The following GREM2 variants were observed in gnomAD, a reference collection of about 807,000 sequenced individuals.
GREM2 encodes the protein gremlin 2, DAN family BMP antagonist.
In GREM2, 11 loss-of-function variants were observed where a neutral mutation model predicts 14.2. The observed-to-expected ratio is 0.78, with a 90% CI of 0.49 to 1.28. The LOEUF is 1.28. GREM2 is among the 50% of genes most tolerant of loss of function. The pLI is 0.00. For synonymous variants in GREM2, 98 were observed against 97.6 expected (o/e 1.00, Z -0.02); for missense variants, 210 against 218.5 (o/e 0.96, Z 0.24).
At position 240,493,431 on chromosome 1, in the gene GREM2, C is replaced by T. The variant is rs766635274; in HGVS notation, c.45G>A (p.Leu15=). 3 of 1,611,772 alleles carry T rather than the reference C, an allele frequency of 1.9e-6. No homozygotes were observed. Among genetic ancestry groups the T allele is most frequent in the East Asian group, 4.5e-5 (2 of 44,814 alleles). ...TCTTCCGGGCTTCCGCCACCTTCAC[C>T]AGCACCGCCACCAGGAACAAGGACA... The part of the protein sequence containing the change: ...LSLSLFLVAV[L]VKVAEARKNR... Residue 15 remains leucine, a synonymous_variant, in exon 2 of 2, where the codon CTG becomes CTA. Transcript: ENST00000318160.
intron 1 of GREM2, among the ~76,000 whole-genome samples, chr1:240,582,657 C>T (rs1157775710): frequency 2.6e-5 from 4 of 151,356 alleles, no homozygotes; most frequent in Non-Finnish European, 5.9e-5. Context: ...ATTAGCTGTG[C>T]GTGGTGACGT....
intron 1 of GREM2, among the ~76,000 whole-genome samples, chr1:240,509,228 T>A (rs1218045193): frequency 6.6e-6 from 1 of 152,114 alleles, no homozygotes; most frequent in Non-Finnish European, 1.5e-5. Flanking sequence ...TGGAGGGTCA[T>A]GTTGAGAGAG....
At chr1:240,512,970 T>C (rs1453672185) in intron 1 of GREM2, among the ~76,000 whole-genome samples, 1 of 152,186 alleles carries the variant, frequency 6.6e-6, no homozygotes, top group Non-Finnish European at 1.5e-5. Context: ...TGGTGGGTAC[T>C]AGGAATACAG....
chr1:240,515,251 C>T (rs1409333289), intron 1 of GREM2, among the ~76,000 whole-genome samples: 1 of 152,190 alleles, frequency 6.6e-6, no homozygotes, highest in Admixed American at 6.5e-5. Flanking sequence ...ATGATTCCAA[C>T]AAATCCTGTA....
intron 1 of GREM2, among the ~76,000 whole-genome samples, chr1:240,608,353 G>A (rs970498659): frequency 1.3e-5 from 2 of 152,208 alleles, no homozygotes; most frequent in Non-Finnish European, 1.5e-5. Flanking sequence ...TCATTACAGA[G>A]CTGCTGGATT....
Position 240,520,005 on chromosome 1 carries a change from G to A in GREM2, c.-1-26529C>T, listed in dbSNP as rs111925302. Among the ~76,000 whole-genome samples, 1,213 of 152,104 alleles carry A rather than the reference G, an allele frequency of 8.0e-3. 15 individuals are homozygous for A. The highest frequency in any genetic ancestry group is 0.027 in the African/African-American group (1,131 of 41,474). On this transcript the variant is annotated intron_variant, in intron 1 of 1. Coordinates refer to ENST00000318160, the MANE Select transcript of GREM2 (RefSeq NM_022469.4). ...TGAGGCATGAGAACCGCTTGAACCC[G>A]AGAGACGGAGGTTGCGGTGAGCCAG...
intron 1 of GREM2, among the ~76,000 whole-genome samples, chr1:240,536,626 A>T (rs1220079261): frequency 6.7e-6 from 1 of 149,590 alleles, no homozygotes; most frequent in Non-Finnish European, 1.5e-5. Context: ...GTAGAGTTTA[A>T]GACAAAATGG....
chr1:240,604,325 G>A (rs1679986659), intron 1 of GREM2, among the ~76,000 whole-genome samples: 1 of 151,674 alleles, frequency 6.6e-6, no homozygotes, highest in African/African-American at 2.4e-5. Context: ...GTGTGTGTGT[G>A]TGTGTGTGTG....
chr1:240,567,256 G>A (rs540944924), intron 1 of GREM2, among the ~76,000 whole-genome samples: 25 of 152,170 alleles, frequency 1.6e-4, no homozygotes, highest in African/African-American at 5.3e-4. Flanking sequence ...AAAGGTATAG[G>A]AGAAGAAGAA....
At chr1:240,529,645 G>T (rs538501473) in intron 1 of GREM2, among the ~76,000 whole-genome samples, 6 of 152,112 alleles carry the variant, frequency 3.9e-5, no homozygotes, top group African/African-American at 1.4e-4. Context: ...GAAATTCCAA[G>T]ATTATCAGAA....
intron 1 of GREM2, among the ~76,000 whole-genome samples, chr1:240,558,950 C>T (rs760722997): frequency 3.9e-5 from 6 of 152,072 alleles, no homozygotes; most frequent in Non-Finnish European, 7.4e-5. Flanking sequence ...GGATTCCCCT[C>T]GCTGTCTCTG....
chr1:240,517,293 A>G (rs1195049880), intron 1 of GREM2, among the ~76,000 whole-genome samples: 1 of 152,200 alleles, frequency 6.6e-6, no homozygotes, highest in African/African-American at 2.4e-5. Flanking sequence ...CAACTGTATC[A>G]TTTTAAGTAT....
At chr1:240,582,666 G>A (rs1357749603) in intron 1 of GREM2, among the ~76,000 whole-genome samples, 6 of 151,204 alleles carry the variant, frequency 4.0e-5, no homozygotes, top group Non-Finnish European at 7.4e-5. Flanking sequence ...GCGTGGTGAC[G>A]TGCACCTGTA....
intron 1 of GREM2, chr1:240,530,904 A>G (rs1340884535): frequency 9.8e-6 from 1 of 101,538 alleles, no homozygotes; most frequent in Non-Finnish European, 2.4e-5. Context: ...GAAGGAAATG[A>G]ATGGAAAATC....
chr1:240,573,994 A>T (rs901467243), intron 1 of GREM2, among the ~76,000 whole-genome samples: 10 of 152,136 alleles, frequency 6.6e-5, no homozygotes, highest in Non-Finnish European at 1.2e-4. Flanking sequence ...ATCTTGGCTC[A>T]CAGCAACCTC....
intron 1 of GREM2, among the ~76,000 whole-genome samples, chr1:240,515,266 CT>C (rs1255017149): frequency 2.0e-5 from 3 of 152,214 alleles, no homozygotes; most frequent in African/African-American, 7.2e-5. Context: ...CCTGTAAATC[CT>C]CAATACATAC....
chr1:240,562,193 A>T (rs61832601), intron 1 of GREM2, among the ~76,000 whole-genome samples: 3 of 152,200 alleles, frequency 2.0e-5, no homozygotes, highest in Non-Finnish European at 2.9e-5. Flanking sequence ...TGGAGGGCAG[A>T]TGATGCAATT....
chr1:240,595,492 T>C (rs1679803949), intron 1 of GREM2, among the ~76,000 whole-genome samples: 1 of 152,152 alleles, frequency 6.6e-6, no homozygotes, highest in South Asian at 2.1e-4. Flanking sequence ...TTTGGGTCAA[T>C]CTTCAAATAT....
intron 1 of GREM2, chr1:240,550,157 G>A (rs1381901542): frequency 1.3e-5 from 2 of 152,136 alleles, no homozygotes; most frequent in South Asian, 2.1e-4. Context: ...CAAGTAGCTG[G>A]GATTACAAGC....
Sources: allele counts gnomAD v4.1 joint callset (sites outside exome capture counted in the v4.1 genomes callset), GRCh38; gene constraint gnomAD v4.1.1; transcripts MANE v1.5; gene names NCBI Gene and HGNC (gene_info 2026-07-23, HGNC 2026-07-21).